Variants in ATXN1 observed in about 807,000 individuals in gnomAD.
ATXN1 encodes the protein ataxin 1, also known as ataxin-1.
In ATXN1, 8 loss-of-function variants were observed where a neutral mutation model predicts 56.4. The observed-to-expected ratio is 0.14, with a 90% CI of 0.08 to 0.26. ATXN1 has a LOEUF of 0.26. ATXN1 is among the 10% of genes least tolerant of loss of function. The pLI, the probability that ATXN1 is intolerant of heterozygous loss-of-function variation, is 1.00. For synonymous variants in ATXN1, 514 were observed against 494.6 expected, an observed-to-expected ratio of 1.04 and a Z score of -0.52; for missense variants, 987 against 1,106.5, an observed-to-expected ratio of 0.89 and a Z score of 1.53.
intron 6 of ATXN1, among the ~76,000 whole-genome samples, chr6:16,404,146 G>A (rs553821057): frequency 3.7e-4 from 57 of 152,054 alleles, no homozygotes; most frequent in Non-Finnish European, 3.2e-4. Context: ...GGCAGGAGGT[G>A]GGGGGAGCAA....
intron 3 of ATXN1, among the ~76,000 whole-genome samples, chr6:16,627,812 C>A (rs1430187670): frequency 6.6e-6 from 1 of 152,198 alleles, no homozygotes; most frequent in African/African-American, 2.4e-5. Context: ...CGCAGCCCTG[C>A]TGGACCACCC....
intron 4 of ATXN1, among the ~76,000 whole-genome samples, chr6:16,539,142 A>G (rs921787759): frequency 6.6e-6 from 1 of 152,240 alleles, no homozygotes; most frequent in Admixed American, 6.5e-5. Flanking sequence ...TAGGTTTTAG[A>G]AACTCTTAAT....
intron 2 of ATXN1, among the ~76,000 whole-genome samples, chr6:16,712,226 T>C (rs1049482234): frequency 9.2e-5 from 14 of 151,966 alleles, no homozygotes; most frequent in Admixed American, 6.6e-4. Flanking sequence ...TAGAAACTAA[T>C]TTATTAGTGA....
chr6:16,305,854 C>G lies in ATXN1; in HGVS notation c.*475G>C, dbSNP rs1004817297. 1 of 155,930 alleles carries G rather than the reference C, an allele frequency of 6.4e-6. No individual in the cohort carries two copies. Among genetic ancestry groups the G allele is most frequent in the African/African-American group, 2.4e-5 (1 of 41,480 alleles). 9.7% of individuals were successfully genotyped at this position (155,930 alleles called of 1,614,324 possible). A position where few individuals can be genotyped will look rare whatever the true frequency, so the allele number is the denominator to read the frequency against. On this transcript the variant is annotated 3_prime_UTR_variant, in exon 8 of 8. Coordinates refer to ENST00000436367, the MANE Select transcript of ATXN1 (RefSeq NM_001128164.2). ...CAGGAGGACACTGCTCTGAACCCCCCCGGCCCATGCCGATAGCAAGAGAGT... is the reference window on the plus strand; with the variant it reads ...CAGGAGGACACTGCTCTGAACCCCCGCGGCCCATGCCGATAGCAAGAGAGT...
rs1253411306 is a variant in ATXN1 at position 16,302,961 on chromosome 6, C to T, written c.*3368G>A. The T allele has an allele frequency of 6.5e-6, 1 of 152,794 alleles. No homozygotes were observed. The highest frequency in any genetic ancestry group is 2.1e-4 in the South Asian group (1 of 4,828). The allele number at this position is 152,794 out of a possible 1,614,324, so 9.5% of individuals were successfully genotyped here. Reference sequence around the variant, plus strand: ...CCCGCCAACGTCTGCAAACAGGAGGCTCCTGCCCTCTGTGCGTTCTTCCTA... The same window carrying T: ...CCCGCCAACGTCTGCAAACAGGAGGTTCCTGCCCTCTGTGCGTTCTTCCTA... On this transcript the variant is annotated 3_prime_UTR_variant, in exon 8 of 8. Coordinates refer to ENST00000436367, the MANE Select transcript of ATXN1 (RefSeq NM_001128164.2).
At chr6:16,616,501 C>T (rs1310098563) in intron 3 of ATXN1, among the ~76,000 whole-genome samples, 4 of 147,654 alleles carry the variant, frequency 2.7e-5, no homozygotes, top group Non-Finnish European at 6.0e-5. Context: ...GATCATGCCA[C>T]TGCACTCCAG....
At chr6:16,639,669 T>G (rs1172749160) in intron 3 of ATXN1, among the ~76,000 whole-genome samples, 4 of 152,198 alleles carry the variant, frequency 2.6e-5, no homozygotes, top group Non-Finnish European at 5.9e-5. Context: ...AAGTGCAGCT[T>G]CAACCAGCAG....
At chr6:16,560,773 G>C (rs1464142181) in intron 4 of ATXN1, among the ~76,000 whole-genome samples, 1 of 152,194 alleles carries the variant, frequency 6.6e-6, no homozygotes, top group East Asian at 1.9e-4. Flanking sequence ...TCACAAAAGA[G>C]GTGGTAAAGC....
At chr6:16,543,755 G>A (rs955704473) in intron 4 of ATXN1, among the ~76,000 whole-genome samples, 2 of 151,818 alleles carry the variant, frequency 1.3e-5, no homozygotes, top group African/African-American at 4.8e-5. Context: ...AGTTAAAGGC[G>A]AGCACTTAAA....
At position 16,760,037 on chromosome 6, in the gene ATXN1, G is replaced by A. The variant is rs532473041; in HGVS notation, c.-730+1261C>T. On this transcript the variant is annotated intron_variant, in intron 1 of 7. Coordinates refer to ENST00000436367, the MANE Select transcript of ATXN1 (RefSeq NM_001128164.2). This position sits in a 1 kb window ranked among gnomAD's most constrained non-coding sequence, Gnocchi z 5.3. ...TCACACACTCACTCACACTCACGCCGCGCTCCGACACCGCCTCACCTCTCG... is the reference window on the plus strand; with the variant it reads ...TCACACACTCACTCACACTCACGCCACGCTCCGACACCGCCTCACCTCTCG... Among the ~76,000 whole-genome samples, 44 of 151,852 alleles carry A rather than the reference G, an allele frequency of 2.9e-4. No homozygotes were observed. The highest frequency in any genetic ancestry group is 4.4e-4 in the Non-Finnish European group (30 of 67,866).
At chr6:16,474,336 C>T (rs1760283339) in intron 6 of ATXN1, among the ~76,000 whole-genome samples, 1 of 152,238 alleles carries the variant, frequency 6.6e-6, no homozygotes, top group Non-Finnish European at 1.5e-5. Context: ...TTTTGGGAAC[C>T]CTTAGCCTGC....
At chr6:16,564,818 A>C (rs1762186961) in intron 4 of ATXN1, among the ~76,000 whole-genome samples, 1 of 152,042 alleles carries the variant, frequency 6.6e-6, no homozygotes, top group Non-Finnish European at 1.5e-5. Flanking sequence ...CTGTAAATAC[A>C]CTAAAAAGCA....
intron 2 of ATXN1, among the ~76,000 whole-genome samples, chr6:16,666,161 G>A (rs1758419986): frequency 6.6e-6 from 1 of 151,930 alleles, no homozygotes; most frequent in Non-Finnish European, 1.5e-5. Flanking sequence ...TCCATCCTCT[G>A]CTAACCATCA....
At chr6:16,600,771 C>T (rs1161189278) in intron 3 of ATXN1, among the ~76,000 whole-genome samples, 7 of 152,192 alleles carry the variant, frequency 4.6e-5, no homozygotes, top group African/African-American at 1.4e-4. Flanking sequence ...AAATACTTTA[C>T]AAGTTTAATC....
chr6:16,508,129 G>A (rs1271041895), intron 5 of ATXN1, among the ~76,000 whole-genome samples: 2 of 152,122 alleles, frequency 1.3e-5, no homozygotes, highest in African/African-American at 4.8e-5. Context: ...ATGGGCACTT[G>A]CGGCTTAGGA....
At chr6:16,527,220 C>G (rs578191906) in intron 4 of ATXN1, among the ~76,000 whole-genome samples, 1 of 152,072 alleles carries the variant, frequency 6.6e-6, no homozygotes, top group Non-Finnish European at 1.5e-5. Flanking sequence ...TACCTCCCCC[C>G]GCGACTAGTG....
intron 4 of ATXN1, among the ~76,000 whole-genome samples, chr6:16,570,117 TC>T (rs1257346804): frequency 1.3e-5 from 2 of 152,244 alleles, no homozygotes; most frequent in Non-Finnish European, 2.9e-5. Context: ...TACCATCATC[TC>T]TTTGTTGCAT....
At chr6:16,749,132 G>C (rs1581420148) in intron 2 of ATXN1, among the ~76,000 whole-genome samples, 1 of 152,182 alleles carries the variant, frequency 6.6e-6, no homozygotes, top group East Asian at 1.9e-4. Flanking sequence ...ATTTTAAAGA[G>C]TCTGCAGAAA....
At chr6:16,670,026 C>T (rs557019602) in intron 2 of ATXN1, among the ~76,000 whole-genome samples, 9 of 152,134 alleles carry the variant, frequency 5.9e-5, no homozygotes, top group East Asian at 1.9e-4. Flanking sequence ...CCAGGGTGGG[C>T]GCTCAGAGAG....
Sources: gnomAD v4.1 joint callset for allele counts (sites outside exome capture counted in the v4.1 genomes callset) on GRCh38, gnomAD v4.1.1 for gene constraint, Gnocchi (gnomAD v3.1) non-coding constraint, MANE v1.5 for transcripts, NCBI Gene and HGNC (gene_info 2026-07-23, HGNC 2026-07-21) for gene names.